Variants in OR52K1 observed in about 807,000 individuals in gnomAD.
OR52K1 encodes olfactory receptor 52K1.
In OR52K1, 10 loss-of-function variants were observed where a neutral mutation model predicts 8.7. The observed-to-expected ratio is 1.15, with a 90% CI of 0.71 to 1.95. OR52K1 has a LOEUF of 1.95. Ranked by LOEUF, OR52K1 falls within the 30% of genes most tolerant of loss-of-function variation. The probability of loss-of-function intolerance (pLI) is 0.00; values close to 1 mark genes in which losing one functional copy is unlikely to be tolerated. For synonymous variants in OR52K1, 203 were observed against 148.5 expected (o/e 1.37, Z -2.67); for missense variants, 431 against 397.2 (o/e 1.08, Z -0.72).
rs1846345847 is a variant in OR52K1 at position 4,489,096 on chromosome 11, G to C, written c.196G>C (p.Ala66Pro). 1.2e-6 allele frequency: 2 copies of C among 1,614,054 alleles called. No individual in the cohort carries two copies. The highest frequency in any genetic ancestry group is 2.2e-5 in the East Asian group (1 of 44,900). ...ALHEPMYLFLAMLATIDLVLS... is the reference protein window; with the variant it reads ...ALHEPMYLFLPMLATIDLVLS... ...CCATGAACCCATGTACCTCTTTCTGGCCATGTTGGCAACCATTGACTTGGT... is the reference window on the plus strand; with the variant it reads ...CCATGAACCCATGTACCTCTTTCTGCCCATGTTGGCAACCATTGACTTGGT... The change falls in exon 2 of 2, where the codon GCC becomes CCC. Residue 66 changes from alanine to proline, a missense_variant. Coordinates refer to ENST00000641528, the MANE Select transcript of OR52K1 (RefSeq NM_001005171.3).
intron 1 of OR52K1, among the ~76,000 whole-genome samples, chr11:4,485,232 C>G (rs1198163947): frequency 6.6e-6 from 1 of 152,178 alleles, no homozygotes; most frequent in African/African-American, 2.4e-5. Flanking sequence ...TTGCGAATAT[C>G]TCAGTGTGCT....
rs1407731038 is a variant in OR52K1 at position 4,483,100 on chromosome 11, C to T, written c.-405C>T. 1 of 398,504 alleles carries T rather than the reference C, an allele frequency of 2.5e-6. No individual in the cohort carries two copies. 24.7% of individuals were successfully genotyped at this position (398,504 alleles called of 1,614,324 possible). A position where few individuals can be genotyped will look rare whatever the true frequency, so the allele number is the denominator to read the frequency against. ...GCTTTTTCTAACCCCTGGCAAATGC[C>T]CCATCCCAGTTAAAGGGCTTCTGCA... On this transcript the variant is annotated 5_prime_UTR_variant, in exon 1 of 2. Transcript: ENST00000641528.
rs550140854 is a variant in OR52K1 at position 4,487,532 on chromosome 11, G to A, written c.-328-1041G>A. ...TGTTATGGAAGGAAGTTAGTTTTCA[G>A]TTTGGTTATGCTGGATGCAGGTTGC... On this transcript the variant is annotated intron_variant, in intron 1 of 1. Coordinates refer to ENST00000641528, the MANE Select transcript of OR52K1 (RefSeq NM_001005171.3). Among the ~76,000 whole-genome samples the A allele has an allele frequency of 6.1e-4, 92 of 151,494 alleles. 2 individuals are homozygous for A. The South Asian group carries it at 0.018, about 30-fold the overall frequency.
Position 4,488,773 on chromosome 11 carries a change from A to G in OR52K1, c.-128A>G, listed in dbSNP as rs1276680096. ...TAGGTTATTTTGTTTAAAGTCTAGC[A>G]ATGGAAACAAGAGGTAATCTTTGCA... On this transcript the variant is annotated 5_prime_UTR_variant, in exon 2 of 2. Transcript: ENST00000641528. The G allele has an allele frequency of 1.5e-6, 1 of 681,458 alleles. No individual in the cohort carries two copies. The highest frequency in any genetic ancestry group is 2.5e-5 in the East Asian group (1 of 39,414). The allele number at this position is 681,458 out of a possible 1,614,324, so 42.2% of individuals were successfully genotyped here.
Position 4,489,870 on chromosome 11 carries a change from C to A in OR52K1, c.*25C>A. 1.3e-6 allele frequency: 2 copies of A among 1,492,336 alleles called. No homozygotes were observed. The highest frequency in any genetic ancestry group is 1.3e-5 in the South Asian group (1 of 78,864). The allele number at this position is 1,492,336 out of a possible 1,614,324, so 92.4% of individuals were successfully genotyped here. On this transcript the variant is annotated 3_prime_UTR_variant, in exon 2 of 2. Transcript: ENST00000641528. ...GATGGATAGTTCTCTTTTTTTATCC[C>A]ACTTGCCAAGTAATGAGAATGCTGG...
chr11:4,486,063 C>CT (rs1409061409), intron 1 of OR52K1, among the ~76,000 whole-genome samples: 1 of 152,184 alleles, frequency 6.6e-6, no homozygotes, highest in East Asian at 1.9e-4. Flanking sequence ...GTCATCTCCC[C>CT]TTTTTGTTGT....
In OR52K1 at chr11:4,489,733, T is replaced by C; in HGVS notation, c.833T>C (p.Leu278Pro). Residue 278 changes from leucine (L) to proline (P), a missense_variant, in exon 2 of 2, where the codon CTT becomes CCT. Transcript: ENST00000641528. ...RHAAPRVHILLAIFYLLFPPM... is the reference protein window; with the variant it reads ...RHAAPRVHILPAIFYLLFPPM... ...GCTGCCCCTCGTGTCCACATACTCCTTGCTATTTTCTATCTCCTTTTCCCA... is the reference window on the plus strand; with the variant it reads ...GCTGCCCCTCGTGTCCACATACTCCCTGCTATTTTCTATCTCCTTTTCCCA... The C allele has an allele frequency of 6.2e-7, 1 of 1,614,238 alleles. No homozygotes were observed. Among genetic ancestry groups the C allele is most frequent in the Non-Finnish European group, 8.5e-7 (1 of 1,180,032 alleles).
At position 4,482,830 on chromosome 11, in the gene OR52K1, C is replaced by A. The variant is rs569041072; in HGVS notation, c.-675C>A. 2.9e-5 allele frequency: 8 copies of A among 278,134 alleles called. No individual in the cohort carries two copies. In the South Asian group the frequency reaches 1.4e-3, roughly 47 times the overall value. 17.2% of individuals were successfully genotyped at this position (278,134 alleles called of 1,614,324 possible). On this transcript the variant is annotated 5_prime_UTR_variant, in exon 1 of 2. Coordinates refer to ENST00000641528, the MANE Select transcript of OR52K1 (RefSeq NM_001005171.3). The stretch of plus-strand genomic sequence containing the variant: ...AAGGTGGGGGCACTGTCAATTTCTT[C>A]CCATAGCCATTCCTGATCTTAGGCA...
At chr11:4,484,490 T>TA (rs1277243139) in intron 1 of OR52K1, among the ~76,000 whole-genome samples, 6 of 152,090 alleles carry the variant, frequency 3.9e-5, no homozygotes, top group Non-Finnish European at 7.4e-5. Context: ...GGCAGGATGT[T>TA]ACGTTCTGAG....
In OR52K1 at chr11:4,490,057, C is replaced by A. The variant is rs1432565956; in HGVS notation, c.*212C>A. 1.6e-5 allele frequency: 9 copies of A among 561,524 alleles called. No individual in the cohort carries two copies. Among genetic ancestry groups the A allele is most frequent in the Non-Finnish European group, 2.9e-5 (9 of 314,974 alleles). 34.8% of individuals were successfully genotyped at this position (561,524 alleles called of 1,614,324 possible). ...GGTCTGATAGTAGAGGTTTGACCTT[C>A]CCATTGTCATAGACTCATCACATGG... On this transcript the variant is annotated 3_prime_UTR_variant, in exon 2 of 2. Coordinates refer to ENST00000641528, the MANE Select transcript of OR52K1 (RefSeq NM_001005171.3).
intron 1 of OR52K1, among the ~76,000 whole-genome samples, chr11:4,483,876 C>T (rs1846299945): frequency 6.6e-6 from 1 of 152,138 alleles, no homozygotes; most frequent in South Asian, 2.1e-4. Flanking sequence ...TGTCTGTTGT[C>T]ATAAGAGCTT....
Position 4,482,908 on chromosome 11 carries a change from C to G in OR52K1, c.-597C>G, listed in dbSNP as rs1338393356. 1 of 378,260 alleles carries G rather than the reference C, an allele frequency of 2.6e-6. No individual in the cohort carries two copies. The highest frequency in any genetic ancestry group is 4.7e-6 in the Non-Finnish European group (1 of 213,834). The allele number at this position is 378,260 out of a possible 1,614,324, so 23.4% of individuals were successfully genotyped here. ...TACTCTGGTCCTTCAATAGAGGGAA[C>G]AGAAGTCTCGATAGTCCCACCCAAC... On this transcript the variant is annotated 5_prime_UTR_variant, in exon 1 of 2. Coordinates refer to ENST00000641528, the MANE Select transcript of OR52K1 (RefSeq NM_001005171.3).
At chr11:4,486,111 G>GT (rs1388135145) in intron 1 of OR52K1, among the ~76,000 whole-genome samples, 67 of 152,238 alleles carry the variant, frequency 4.4e-4, no homozygotes, top group African/African-American at 1.4e-3. Context: ...GCAGGTGTAG[G>GT]TTGATAGCAC....
At chr11:4,483,310 A>G (rs749308562) in intron 1 of OR52K1, 134 bp downstream of exon 1, 11 of 396,560 alleles carry the variant, frequency 2.8e-5, no homozygotes, top group Non-Finnish European at 4.4e-5. Flanking sequence ...AGATAAAGGT[A>G]TAGGCAACCA....
chr11:4,492,402 A>G lies in OR52K1; in HGVS notation c.*2557A>G, dbSNP rs1456427886. 1.3e-5 allele frequency: 2 copies of G among 152,246 alleles called. No homozygotes were observed. The highest frequency in any genetic ancestry group is 4.8e-5 in the African/African-American group (2 of 41,466). The allele number at this position is 152,246 out of a possible 1,614,324, so 9.4% of individuals were successfully genotyped here. A position where few individuals can be genotyped will look rare whatever the true frequency, so the allele number is the denominator to read the frequency against. ...CATGGAGCAGATGTGAATCTGACTCACTGCCTGTAGCATAGTCATAACTGA... is the reference window on the plus strand; with the variant it reads ...CATGGAGCAGATGTGAATCTGACTCGCTGCCTGTAGCATAGTCATAACTGA... On this transcript the variant is annotated 3_prime_UTR_variant, in exon 2 of 2. Coordinates refer to ENST00000641528, the MANE Select transcript of OR52K1 (RefSeq NM_001005171.3).
chr11:4,488,991 A>T lies in OR52K1; in HGVS notation c.91A>T (p.Ile31Phe). ...GGAACACCTGCATGCCTGGATCTCCATCCCCTTCTGCTTTGCTTATACTCT... is the reference window on the plus strand; with the variant it reads ...GGAACACCTGCATGCCTGGATCTCCTTCCCCTTCTGCTTTGCTTATACTCT... ...GLEHLHAWISIPFCFAYTLAL... is the reference protein window; with the variant it reads ...GLEHLHAWISFPFCFAYTLAL... Residue 31 changes from isoleucine to phenylalanine, a missense_variant, in exon 2 of 2, where the codon ATC becomes TTC. Ile to Phe is a conservative substitution (Grantham distance 21, BLOSUM62 0). Transcript: ENST00000641528. 1 of 1,614,152 alleles carries T rather than the reference A, an allele frequency of 6.2e-7. No homozygotes were observed. The highest frequency in any genetic ancestry group is 8.5e-7 in the Non-Finnish European group (1 of 1,180,008).
At chr11:4,488,486 G>A (rs759146687) in intron 1 of OR52K1, 87 bp from the exon 2 acceptor site, 6 of 164,568 alleles carry the variant, frequency 3.6e-5, no homozygotes, top group African/African-American at 1.4e-4. Flanking sequence ...TTGCATTTGG[G>A]AATTTAGCTT....
Position 4,490,028 on chromosome 11 carries a change from G to T in OR52K1, c.*183G>T, listed in dbSNP as rs1056991113. On this transcript the variant is annotated 3_prime_UTR_variant, in exon 2 of 2. Coordinates refer to ENST00000641528, the MANE Select transcript of OR52K1 (RefSeq NM_001005171.3). ...AGGTCAAACCAGGAGTGCACCTATA[G>T]TCTGGTCTGATAGTAGAGGTTTGAC... 5.0e-6 allele frequency: 3 copies of T among 596,736 alleles called. No individual in the cohort carries two copies. Among genetic ancestry groups the T allele is most frequent in the African/African-American group, 1.9e-5 (1 of 53,712 alleles). The allele number at this position is 596,736 out of a possible 1,614,324, so 37.0% of individuals were successfully genotyped here.
In OR52K1 at chr11:4,488,884, G is replaced by A; in HGVS notation, c.-17G>A. On this transcript the variant is annotated 5_prime_UTR_variant, in exon 2 of 2. Coordinates refer to ENST00000641528, the MANE Select transcript of OR52K1 (RefSeq NM_001005171.3). ...GAAGAAGCCCTGTAAAAATTGACAA[G>A]GAGATTTCCAGGAGCCATGCTTCCC... 6.3e-7 allele frequency: 1 copy of A among 1,588,746 alleles called. No individual in the cohort carries two copies. The highest frequency in any genetic ancestry group is 8.6e-7 in the Non-Finnish European group (1 of 1,160,780).
Sources: gnomAD v4.1 joint callset for allele counts (sites outside exome capture counted in the v4.1 genomes callset) on GRCh38, gnomAD v4.1.1 for gene constraint, MANE v1.5 for transcripts, NCBI Gene and HGNC (gene_info 2026-07-23, HGNC 2026-07-21) for gene names.